Variants in TRPV3 observed in about 807,000 individuals in gnomAD.
TRPV3 encodes the protein VRL-3.
Under a neutral mutation model 87.1 loss-of-function variants are expected in TRPV3, and 88 were observed. The observed-to-expected ratio is 1.01, with a 90% CI of 0.85 to 1.21. The LOEUF (loss-of-function observed/expected upper bound fraction) is 1.21, where lower values mean the gene tolerates loss of function less well. TRPV3 is among the 50% of genes most tolerant of loss of function. TRPV3 has a pLI of 0.00. For synonymous variants in TRPV3, 438 were observed against 423.3 expected, an observed-to-expected ratio of 1.03 and a Z score of -0.43; for missense variants, 1,054 against 1,030.1, an observed-to-expected ratio of 1.02 and a Z score of -0.32.
rs148324359 is a variant in TRPV3 at position 3,519,324 on chromosome 17, T to TTGGATGGATGGA, written c.1811-486_1811-475dup. On this transcript the variant is annotated intron_variant, in intron 14 of 17. Transcript: ENST00000576742. ...ACAGTAGAGGTTCACTGCTGAATGG[T>TTGGATGGATGGA]TGGATGGATGGATGGATGGATGGAT... Among the ~76,000 whole-genome samples, 304 of 146,734 alleles carry TTGGATGGATGGA rather than the reference T, an allele frequency of 2.1e-3. 3 individuals are homozygous for TTGGATGGATGGA. Among genetic ancestry groups the TTGGATGGATGGA allele is most frequent in the African/African-American group, 6.2e-3 (245 of 39,640 alleles).
chr17:3,535,518 C>CT, intron 7 of TRPV3, 55 bp downstream of exon 7: 1 of 1,471,056 alleles, frequency 6.8e-7, no homozygotes, highest in East Asian at 2.7e-5. Flanking sequence ...CCCTTCCTCT[C>CT]CCGTCTCCCT....
Position 3,516,506 on chromosome 17 carries a change from T to C in TRPV3, c.2149A>G (p.Met717Val), listed in dbSNP as rs781688821. 1.1e-5 allele frequency: 18 copies of C among 1,613,934 alleles called. No individual in the cohort carries two copies. The African/African-American group carries it at 2.1e-4, about 19-fold the overall frequency. ...TCGGCCACTTTGCACAGCTCTCCCA[T>C]CCGGAATCTGCTCCTCAGCCATTCT... ...LPEWLRSRFRMGELCKVAEDD... is the reference protein window; with the variant it reads ...LPEWLRSRFRVGELCKVAEDD... Residue 717 changes from methionine (M) to valine (V), a missense_variant, in exon 16 of 18, where the codon ATG becomes GTG. Physicochemically the swap from Met to Val is conservative, Grantham distance 21. Transcript: ENST00000576742.
chr17:3,514,653 TCCA>T lies in TRPV3; in HGVS notation c.2215_2217del (p.Trp739del), dbSNP rs1022644265. On this transcript the variant is annotated inframe_deletion, in exon 17 of 18. Transcript: ENST00000576742. ...AAGGAGACGTGCGTCTTCCATTCAG[TCCA>T]CTTCACCTCATTGATCCTGCAAATG... 2.5e-6 allele frequency: 4 copies of T among 1,613,750 alleles called. No homozygotes were observed. In the African/African-American group the frequency reaches 5.3e-5, roughly 22 times the overall value.
intron 13 of TRPV3, among the ~76,000 whole-genome samples, chr17:3,521,264 C>T (rs2074243177): frequency 1.3e-5 from 2 of 152,130 alleles, no homozygotes; most frequent in African/African-American, 2.4e-5. Flanking sequence ...GTTCTCTTCT[C>T]CCTGTGATTC....
At chr17:3,555,215 C>T (rs2074616103) in intron 1 of TRPV3, among the ~76,000 whole-genome samples, 1 of 152,154 alleles carries the variant, frequency 6.6e-6, no homozygotes, top group South Asian at 2.1e-4. Context: ...GACCACCATG[C>T]CCCTGTCCTC....
chr17:3,537,629 C>A (rs1251311558), intron 6 of TRPV3, among the ~76,000 whole-genome samples: 1 of 152,228 alleles, frequency 6.6e-6, no homozygotes, highest in South Asian at 2.1e-4. Context: ...TAGGGCCGGG[C>A]GCGGTAGCTC....
chr17:3,542,652 G>C lies in TRPV3; in HGVS notation c.513C>G (p.Cys171Trp). ...TGATGTTTAACAAGGCCTTCATCAG[G>C]CAGGTCTTCCCCGTGTCGGAGGCCG... ...KLTASDTGKT[C>W]LMKALLNINP... The change falls in exon 6 of 18, where the codon TGC (cysteine) becomes TGG (tryptophan). Residue 171 changes from cysteine (C) to tryptophan (W), a missense_variant. Physicochemically the swap from Cys to Trp is radical, Grantham distance 215 (BLOSUM62 -2). Coordinates refer to ENST00000576742, the MANE Select transcript of TRPV3 (RefSeq NM_145068.4). 6.2e-7 allele frequency: 1 copy of C among 1,614,070 alleles called. No individual in the cohort carries two copies. Among genetic ancestry groups the C allele is most frequent in the Non-Finnish European group, 8.5e-7 (1 of 1,179,984 alleles).
intron 6 of TRPV3, among the ~76,000 whole-genome samples, chr17:3,541,801 C>G (rs2074464112): frequency 6.6e-6 from 1 of 152,228 alleles, no homozygotes; most frequent in African/African-American, 2.4e-5. Flanking sequence ...GGCCTCAGGC[C>G]AAAGATGACC....
chr17:3,519,871 TG>T (rs1408308140), intron 14 of TRPV3, among the ~76,000 whole-genome samples: 5 of 144,252 alleles, frequency 3.5e-5, no homozygotes, highest in Non-Finnish European at 4.6e-5. Context: ...GATGGATGGA[TG>T]GATGGATGGA....
intron 6 of TRPV3, among the ~76,000 whole-genome samples, chr17:3,538,647 C>T (rs1039285739): frequency 2.0e-5 from 3 of 151,838 alleles, no homozygotes; most frequent in Non-Finnish European, 2.9e-5. Context: ...TGCAGTGGCG[C>T]GATCTCGGCT....
At position 3,535,659 on chromosome 17, in the gene TRPV3, A is replaced by G; in HGVS notation, c.698T>C (p.Leu233Pro). The G allele has an allele frequency of 6.2e-7, 1 of 1,603,620 alleles. No individual in the cohort carries two copies. Among genetic ancestry groups the G allele is most frequent in the East Asian group, 2.3e-5 (1 of 43,658 alleles). ...GACGTCGGCGCCGGCGGCGATGAGC[A>G]GGGCTGCGATGTCCCCCTGCCGCCG... ...IERRQGDIAA[L>P]LIAAGADVNA... The change falls in exon 7 of 18, where the codon CTG becomes CCG. Residue 233 changes from leucine to proline, a missense_variant. By Grantham distance (98) the Leu-to-Pro change is moderately conservative. Coordinates refer to ENST00000576742, the MANE Select transcript of TRPV3 (RefSeq NM_145068.4).
At chr17:3,536,720 A>T (rs1225272825) in intron 6 of TRPV3, among the ~76,000 whole-genome samples, 1 of 152,188 alleles carries the variant, frequency 6.6e-6, no homozygotes, top group African/African-American at 2.4e-5. Context: ...CCGGCTGGGA[A>T]GAAGGGTGTC....
intron 7 of TRPV3, among the ~76,000 whole-genome samples, chr17:3,534,406 T>TA (rs1031848064): frequency 3.3e-5 from 5 of 151,368 alleles, no homozygotes; most frequent in African/African-American, 4.9e-5. Flanking sequence ...AAAATAAAAA[T>TA]AAAAAAAATA....
In TRPV3 at chr17:3,556,968, A is replaced by AG. The variant is rs2074638727; in HGVS notation, c.-3+707dup. Among the ~76,000 whole-genome samples the AG allele has an allele frequency of 6.6e-6, 1 of 152,150 alleles. No individual in the cohort carries two copies. The highest frequency in any genetic ancestry group is 2.1e-4 in the South Asian group (1 of 4,812). ...TGAGAAGTGGGCTGAATGGTCCCCA[A>AG]GGACTCTGTGGCCCTGAGAGCTGGT... On this transcript the variant is annotated intron_variant, in intron 1 of 17. Coordinates refer to ENST00000576742, the MANE Select transcript of TRPV3 (RefSeq NM_145068.4). This position sits in a 1 kb window ranked among gnomAD's most constrained non-coding sequence, Gnocchi z 4.2.
intron 2 of TRPV3, among the ~76,000 whole-genome samples, chr17:3,550,467 C>T (rs2074563092): frequency 6.6e-6 from 1 of 151,950 alleles, no homozygotes; most frequent in Non-Finnish European, 1.5e-5. Context: ...GCTGGGCTAC[C>T]CGGCTGCTTG....
chr17:3,538,509 G>A (rs776055794), intron 6 of TRPV3, among the ~76,000 whole-genome samples: 7 of 151,608 alleles, frequency 4.6e-5, no homozygotes, highest in Non-Finnish European at 8.8e-5. Flanking sequence ...GTACACCGTT[G>A]TGGGGAGAGA....
intron 3 of TRPV3, among the ~76,000 whole-genome samples, chr17:3,544,879 T>G (rs1480959848): frequency 2.0e-5 from 3 of 152,148 alleles, no homozygotes; most frequent in Non-Finnish European, 2.9e-5. Context: ...CCAGGCGTGG[T>G]GGCATGTGCC....
rs752021748 is a variant in TRPV3, at chr17:3,526,845, C to G, written c.1577+9G>C. On this transcript the variant is annotated intron_variant, in intron 12 of 17. Coordinates refer to ENST00000576742, the MANE Select transcript of TRPV3 (RefSeq NM_145068.4). The stretch of plus-strand genomic sequence containing the variant: ...GTGAGGCGATAACCAAGGGGCCAGA[C>G]CTACTTACAAGACAAAGTGGAACCA... 1 of 1,608,244 alleles carries G rather than the reference C, an allele frequency of 6.2e-7. No homozygotes were observed. The highest frequency in any genetic ancestry group is 1.1e-5 in the South Asian group (1 of 89,604).
In TRPV3 at chr17:3,518,726, C is replaced by A. The variant is rs146839243; in HGVS notation, c.1935G>T (p.Gln645His). 18 of 1,613,476 alleles carry A rather than the reference C, an allele frequency of 1.1e-5. No individual in the cohort carries two copies. The highest frequency in any genetic ancestry group is 1.7e-4 in the Middle Eastern group (1 of 6,060). ...AGAGAATGGGATACTTGGAGTTCTGCTGGATGTTCAGGTCACCCAGGCCTA... is the reference window on the plus strand; with the variant it reads ...AGAGAATGGGATACTTGGAGTTCTGATGGATGTTCAGGTCACCCAGGCCTA... ...LTIGLGDLNIQQNSKYPILFL... is the reference protein window; with the variant it reads ...LTIGLGDLNIHQNSKYPILFL... The change falls in exon 15 of 18, where the codon CAG becomes CAT. Residue 645 changes from glutamine (Q) to histidine (H), a missense_variant. Coordinates refer to ENST00000576742, the MANE Select transcript of TRPV3 (RefSeq NM_145068.4). The surrounding 1 kb of genome is among the most constrained non-coding windows in gnomAD (Gnocchi z 4.3).
Sources: gnomAD v4.1 joint callset for allele counts (sites outside exome capture counted in the v4.1 genomes callset) on GRCh38, gnomAD v4.1.1 for gene constraint, Gnocchi (gnomAD v3.1) non-coding constraint, MANE v1.5 for transcripts, NCBI Gene and HGNC (gene_info 2026-07-23, HGNC 2026-07-21) for gene names.